TCF12: variants seen among roughly 807,000 people sequenced by gnomAD.
The protein encoded by TCF12 is DNA-binding protein HTF4.
A neutral mutation model predicts 86.0 loss-of-function variants in TCF12; 45 were observed. The ratio of observed to expected loss-of-function variants is 0.52; its 90% confidence interval spans 0.41 to 0.67. The LOEUF (loss-of-function observed/expected upper bound fraction) is 0.67. TCF12 is among the 30% of genes least tolerant of loss of function. The probability of loss-of-function intolerance (pLI) is 0.00; values close to 1 mark genes in which losing one functional copy is unlikely to be tolerated. For synonymous variants in TCF12, 330 were observed against 299.6 expected, an observed-to-expected ratio of 1.10 and a Z score of -1.05; for missense variants, 881 against 859.9, an observed-to-expected ratio of 1.02 and a Z score of -0.31.
chr15:57,273,326 A>C, intron 19 of TCF12, 64 bp downstream of exon 19: 1 of 1,512,960 alleles, frequency 6.6e-7, no homozygotes, highest in Non-Finnish European at 9.1e-7. Flanking sequence ...TTCTGTTTAC[A>C]GTTGCTCTTC....
intron 8 of TCF12, among the ~76,000 whole-genome samples, chr15:57,224,777 T>G (rs1244054948): frequency 1.3e-5 from 2 of 152,202 alleles, no homozygotes; most frequent in Non-Finnish European, 2.9e-5. Flanking sequence ...AACAGGCTAA[T>G]TAGGTAAAAA....
chr15:57,020,393 A>G (rs1272264793), intron 3 of TCF12, among the ~76,000 whole-genome samples: 2 of 152,208 alleles, frequency 1.3e-5, no homozygotes, highest in Non-Finnish European at 2.9e-5. Flanking sequence ...AGTATTTTGC[A>G]TGGCAATGTT....
chr15:57,164,486 A>G (rs1176994738), intron 5 of TCF12, among the ~76,000 whole-genome samples: 2 of 151,992 alleles, frequency 1.3e-5, no homozygotes, highest in African/African-American at 4.8e-5. Flanking sequence ...CCCTTATAAA[A>G]TCATCAGATC....
Position 57,253,352 on chromosome 15 carries a change from G to C in TCF12, c.1351G>C (p.Ala451Pro), listed in dbSNP as rs910243513. 8.7e-6 allele frequency: 14 copies of C among 1,614,068 alleles called. No individual in the cohort carries two copies. The African/African-American group carries it at 1.3e-4, about 15-fold the overall frequency. The change falls in exon 16 of 21, where the codon GCT becomes CCT. Residue 451 changes from alanine to proline, a missense_variant. By Grantham distance (27) the Ala-to-Pro change is conservative. Coordinates refer to ENST00000333725, the MANE Select transcript of TCF12 (RefSeq NM_207037.2). ...HAVGPSTSLP[A>P]GHSDIHSLLG... ...TGTGGGACCTTCCACCAGTTTGCCT[G>C]CTGGTCACAGTGATATACATAGTTT...
Position 57,166,607 on chromosome 15 carries a change from C to T in TCF12, c.390+141C>T, listed in dbSNP as rs544393602. On this transcript the variant is annotated intron_variant, in intron 6 of 20. Transcript: ENST00000333725. ...GTAACTAAGTGTTGTTTTTTGCTCT[C>T]TTTGCTTAAAATTGTTTCAGTTCCC... The T allele has an allele frequency of 5.6e-5, 37 of 665,726 alleles. No individual in the cohort carries two copies. The African/African-American group carries it at 6.4e-4, about 11-fold the overall frequency. The allele number at this position is 665,726 out of a possible 1,614,324, so 41.2% of individuals were successfully genotyped here.
At chr15:57,265,385 A>C (rs1474200574) in intron 18 of TCF12, among the ~76,000 whole-genome samples, 3 of 151,914 alleles carry the variant, frequency 2.0e-5, no homozygotes, top group Non-Finnish European at 4.4e-5. Context: ...AGTATGAGAG[A>C]GTGTGGGTGT....
chr15:57,067,727 A>G (rs1019572515), intron 4 of TCF12, among the ~76,000 whole-genome samples: 3 of 152,106 alleles, frequency 2.0e-5, no homozygotes, highest in Non-Finnish European at 4.4e-5. Flanking sequence ...TGCACTCTTC[A>G]TCTGCTGTCT....
intron 8 of TCF12, among the ~76,000 whole-genome samples, chr15:57,215,630 G>C (rs962413242): frequency 6.6e-6 from 1 of 152,114 alleles, no homozygotes; most frequent in Non-Finnish European, 1.5e-5. Context: ...AATGTTGCCT[G>C]TTTGTTTTAG....
intron 3 of TCF12, among the ~76,000 whole-genome samples, chr15:56,988,277 G>GTA (rs2063288970): frequency 6.6e-6 from 1 of 152,028 alleles, no homozygotes; most frequent in African/African-American, 2.4e-5. Flanking sequence ...TAAACCTAGG[G>GTA]GGTATATAGC....
At position 57,121,353 on chromosome 15, in the gene TCF12, T is replaced by G. The variant is rs546980922; in HGVS notation, c.325+29462T>G. 6.3e-4 allele frequency among the ~76,000 whole-genome samples: 96 copies of G among 152,336 alleles called. No homozygotes were observed. In the Middle Eastern group the frequency reaches 0.017, roughly 27 times the overall value. On this transcript the variant is annotated intron_variant, in intron 5 of 20. Coordinates refer to ENST00000333725, the MANE Select transcript of TCF12 (RefSeq NM_207037.2). Reference sequence around the variant, plus strand: ...GTTCCATGAGTTCACTGAATTTATTTGAACAATAGTGTTTGCCATGGTTTG... The same window carrying G: ...GTTCCATGAGTTCACTGAATTTATTGGAACAATAGTGTTTGCCATGGTTTG...
At chr15:57,103,998 ACT>A (rs2151187710) in intron 5 of TCF12, among the ~76,000 whole-genome samples, 1 of 152,266 alleles carries the variant, frequency 6.6e-6, no homozygotes, top group South Asian at 2.1e-4. Flanking sequence ...ACAGAGCAAG[ACT>A]CTGTCTCAAA....
In TCF12 at chr15:57,286,439, G is replaced by A. The variant is rs1311223949; in HGVS notation, c.*294G>A. 4 of 340,612 alleles carry A rather than the reference G, an allele frequency of 1.2e-5. No individual in the cohort carries two copies. The highest frequency in any genetic ancestry group is 6.5e-5 in the African/African-American group (3 of 46,396). 21.1% of individuals were successfully genotyped at this position (340,612 alleles called of 1,614,324 possible). The stretch of plus-strand genomic sequence containing the variant: ...CTTCTGCACAATCAGAGACTGTCTC[G>A]ATCTCTCCACTCACCGTGGAAGTTG... On this transcript the variant is annotated 3_prime_UTR_variant, in exon 21 of 21. Transcript: ENST00000333725.
chr15:57,268,614 A>G (rs1364796886), intron 18 of TCF12, among the ~76,000 whole-genome samples: 5 of 152,096 alleles, frequency 3.3e-5, no homozygotes, highest in African/African-American at 7.2e-5. Flanking sequence ...AATGTCTAAT[A>G]TTTTTGTACA....
At chr15:57,153,587 A>C (rs1420094690) in intron 5 of TCF12, among the ~76,000 whole-genome samples, 2 of 152,238 alleles carry the variant, frequency 1.3e-5, no homozygotes, top group Non-Finnish European at 2.9e-5. Context: ...GGTTTTATAA[A>C]ATATGTAACA....
Position 56,981,696 on chromosome 15 carries a change from C to T in TCF12, c.148+60598C>T, listed in dbSNP as rs191262748. Among the ~76,000 whole-genome samples the T allele has an allele frequency of 3.3e-5, 5 of 152,254 alleles. No individual in the cohort carries two copies. In the East Asian group the frequency reaches 9.6e-4, roughly 29 times the overall value. ...CCTCCAAAACTTAACTACGAATAGC[C>T]TTTTGTTGACCAGAAGTCTTACTGA... On this transcript the variant is annotated intron_variant, in intron 3 of 20. Transcript: ENST00000333725.
At chr15:56,987,563 T>G (rs958251752) in intron 3 of TCF12, among the ~76,000 whole-genome samples, 10 of 152,218 alleles carry the variant, frequency 6.6e-5, no homozygotes, top group South Asian at 2.1e-4. Context: ...TTATTTGCAT[T>G]TAAGACTAGT....
intron 3 of TCF12, among the ~76,000 whole-genome samples, chr15:56,950,280 C>T (rs1437580527): frequency 6.6e-6 from 1 of 152,164 alleles, no homozygotes; most frequent in Non-Finnish European, 1.5e-5. Context: ...GGCTGGAGTG[C>T]AGTGGCATGA....
intron 18 of TCF12, among the ~76,000 whole-genome samples, chr15:57,272,130 A>G (rs2061172479): frequency 6.6e-6 from 1 of 152,208 alleles, no homozygotes; most frequent in Admixed American, 6.5e-5. Flanking sequence ...TTTAGATACA[A>G]CATAATGGGC....
At chr15:57,245,226 G>T (rs2151978359) in intron 13 of TCF12, among the ~76,000 whole-genome samples, 1 of 152,326 alleles carries the variant, frequency 6.6e-6, no homozygotes, top group African/African-American at 2.4e-5. Context: ...TTCCGGTTTG[G>T]GGATGATGAA....
Sources: allele counts gnomAD v4.1 joint callset (sites outside exome capture counted in the v4.1 genomes callset), GRCh38; gene constraint gnomAD v4.1.1; transcripts MANE v1.5; gene names NCBI Gene and HGNC (gene_info 2026-07-23, HGNC 2026-07-21).